DNAH10: variants seen among roughly 807,000 people sequenced by gnomAD.
DNAH10 encodes axonemal beta dynein heavy chain 10.
A neutral mutation model predicts 506.6 loss-of-function variants in DNAH10; 348 were observed. The observed-to-expected ratio is 0.69, with a 90% CI of 0.63 to 0.75. The LOEUF (loss-of-function observed/expected upper bound fraction) is 0.75, where lower values mean the gene tolerates loss of function less well. DNAH10 is among the 30% of genes least tolerant of loss of function. The pLI is 0.00. For missense variants in DNAH10, 5,179 were observed against 5,787.1 expected, an observed-to-expected ratio of 0.89 and a Z score of 3.41; for synonymous variants, 2,059 against 2,198.6, an observed-to-expected ratio of 0.94 and a Z score of 1.78.
Position 123,804,946 on chromosome 12 carries a change from G to A in DNAH10, c.2893G>A (p.Val965Ile), listed in dbSNP as rs201914416. The A allele has an allele frequency of 1.4e-4, 233 of 1,614,034 alleles. No homozygotes were observed. The highest frequency in any genetic ancestry group is 1.8e-4 in the Non-Finnish European group (209 of 1,180,036). ...PLLTKVEGLV[V>I]HTNTGKAPKL... ...GCTGACCAAAGTTGAGGGCCTGGTC[G>A]TCCACACCAACACAGGCAAGGCCCC... is the stretch of plus-strand genomic sequence containing the variant. The change falls in exon 18 of 79, where the codon GTC (valine) becomes ATC (isoleucine). Residue 965 changes from valine (V) to isoleucine (I), a missense_variant. By Grantham distance (29) the Val-to-Ile change is conservative. Transcript: ENST00000673944.
At position 123,853,447 on chromosome 12, in the gene DNAH10, C is replaced by T; in HGVS notation, c.6438+95C>T. On this transcript the variant is annotated intron_variant, in intron 36 of 78. Coordinates refer to ENST00000673944, the MANE Select transcript of DNAH10 (RefSeq NM_001372106.1). This position sits in a 1 kb window ranked among gnomAD's most constrained non-coding sequence, Gnocchi z 4.7. ...GGTGATGGGCACAGTATGGTATCAC[C>T]TGAAAGGTTTAAGTCTTAGCTGCCT... 1.4e-6 allele frequency: 2 copies of T among 1,434,716 alleles called. No homozygotes were observed. The highest frequency in any genetic ancestry group is 9.2e-7 in the Non-Finnish European group (1 of 1,083,828). The allele number at this position is 1,434,716 out of a possible 1,614,324, so 88.9% of individuals were successfully genotyped here.
intron 52 of DNAH10, among the ~76,000 whole-genome samples, chr12:123,889,587 C>T (rs1185374662): frequency 6.6e-6 from 1 of 152,120 alleles, no homozygotes; most frequent in South Asian, 2.1e-4. Context: ...GCCGTGAGTG[C>T]AAAGGGGAGT....
At chr12:123,878,841 G>A (rs574470227) in intron 48 of DNAH10, among the ~76,000 whole-genome samples, 13 of 152,328 alleles carry the variant, frequency 8.5e-5, no homozygotes, top group Admixed American at 3.3e-4. Flanking sequence ...TGAGGTGGCA[G>A]TGAGCTATGA....
At chr12:123,832,384 CAGGTACACAT>C (rs1960660744) in intron 26 of DNAH10, among the ~76,000 whole-genome samples, 1 of 152,150 alleles carries the variant, frequency 6.6e-6, no homozygotes, top group African/African-American at 2.4e-5. Context: ...CCAATATACA[CAGGTACACAT>C]AGTATATACA....
chr12:123,797,073 G>A (rs546794180), intron 13 of DNAH10, among the ~76,000 whole-genome samples: 7 of 152,260 alleles, frequency 4.6e-5, no homozygotes, highest in Non-Finnish European at 4.4e-5. Context: ...GGATTTTACC[G>A]TGTTAGCCAG....
At chr12:123,763,843 G>C (rs1956920025) in intron 1 of DNAH10, among the ~76,000 whole-genome samples, 1 of 149,426 alleles carries the variant, frequency 6.7e-6, no homozygotes, top group South Asian at 2.1e-4. Context: ...GATTCCAGGT[G>C]TTAGCCATCT....
chr12:123,887,750 TC>T (rs148766149), intron 52 of DNAH10, among the ~76,000 whole-genome samples: 1 of 151,546 alleles, frequency 6.6e-6, no homozygotes, highest in Non-Finnish European at 1.5e-5. Flanking sequence ...ATTTTTTTTT[TC>T]TTTTTTTTTT....
chr12:123,838,765 C>T (rs1950661126), intron 29 of DNAH10, 76 bp downstream of exon 29: 1 of 1,356,262 alleles, frequency 7.4e-7, no homozygotes, highest in Non-Finnish European at 1.0e-6. Flanking sequence ...TTCCCTTTGC[C>T]ATGAGGTTCA....
At chr12:123,897,536 A>C (rs1953310102) in intron 54 of DNAH10, among the ~76,000 whole-genome samples, 1 of 152,172 alleles carries the variant, frequency 6.6e-6, no homozygotes, top group South Asian at 2.1e-4. Flanking sequence ...CAGCCTGGGC[A>C]ACATGGGTGA....
At chr12:123,908,001 CG>C (rs927225279) in intron 57 of DNAH10, among the ~76,000 whole-genome samples, 1 of 152,038 alleles carries the variant, frequency 6.6e-6, no homozygotes, top group African/African-American at 2.4e-5. Context: ...GTGAGGGTTC[CG>C]GGGTCAGGAG....
intron 6 of DNAH10, among the ~76,000 whole-genome samples, chr12:123,781,511 G>T (rs947116483): frequency 6.6e-6 from 1 of 152,052 alleles, no homozygotes; most frequent in Non-Finnish European, 1.5e-5. Context: ...TGTTGCCCAG[G>T]CTGGAGTGCA....
chr12:123,933,600 G>A (rs1955322189), intron 77 of DNAH10, 89 bp downstream of exon 77: 1 of 1,416,966 alleles, frequency 7.1e-7, no homozygotes, highest in East Asian at 2.5e-5. Flanking sequence ...GGCATAGCGT[G>A]GGCCTAAATG....
chr12:123,799,304 A>G lies in DNAH10; in HGVS notation c.2222A>G (p.Tyr741Cys), dbSNP rs754618530. The G allele has an allele frequency of 1.9e-6, 3 of 1,613,934 alleles. No individual in the cohort carries two copies. The highest frequency in any genetic ancestry group is 2.7e-5 in the African/African-American group (2 of 74,922). Reference protein sequence around the residue: ...RTMKEYEDRKYEQWMEVTEQV... With the variant: ...RTMKEYEDRKCEQWMEVTEQV... ...ATGAAGGAGTATGAAGACAGAAAGTATGAGCAGTGGATGGAGGTGACGGAG... is the reference window on the plus strand; with the variant it reads ...ATGAAGGAGTATGAAGACAGAAAGTGTGAGCAGTGGATGGAGGTGACGGAG... The change falls in exon 14 of 79, where the codon TAT becomes TGT. Residue 741 changes from tyrosine to cysteine, a missense_variant. Tyr to Cys is a radical substitution (Grantham distance 194). This residue lies in a region of DNAH10 where 4,844 missense variants were observed against 5,430.5 expected (regional missense o/e 0.89). Transcript: ENST00000673944.
rs565854375 is a variant in DNAH10, at chr12:123,790,389, A to G, written c.1815+268A>G. Among the ~76,000 whole-genome samples the G allele has an allele frequency of 9.2e-5, 14 of 152,358 alleles. No homozygotes were observed. In the South Asian group the frequency reaches 2.5e-3, roughly 27 times the overall value. On this transcript the variant is annotated intron_variant, in intron 11 of 78. Coordinates refer to ENST00000673944, the MANE Select transcript of DNAH10 (RefSeq NM_001372106.1). Reference sequence around the variant, plus strand: ...TAGCATTTCTACAAAGTTTTGTCCAATATAAGTTCACCTATCTAGGAGTGA... The same window carrying G: ...TAGCATTTCTACAAAGTTTTGTCCAGTATAAGTTCACCTATCTAGGAGTGA...
Position 123,835,353 on chromosome 12 carries a change from T to C in DNAH10, c.4780-53T>C, listed in dbSNP as rs1034862864. ...GTCAGGATGGGGCTTTGCCATCCAC[T>C]TTTGGAGGTATCTGATAACCCCTGC... On this transcript the variant is annotated intron_variant, in intron 27 of 78. Transcript: ENST00000673944. 2.5e-6 allele frequency: 4 copies of C among 1,595,182 alleles called. No individual in the cohort carries two copies. In the African/African-American group the frequency reaches 4.0e-5, roughly 16 times the overall value.
chr12:123,813,579 T>G lies in DNAH10; in HGVS notation c.3560T>G (p.Leu1187Arg). ...QENAKSWVIS[L>R]GKLLNESAKE... The stretch of plus-strand genomic sequence containing the variant: ...AATGCCAAGTCCTGGGTGATTTCGC[T>G]TGGAAAACTTCTCAATGAGTCAGCA... The change falls in exon 20 of 79, where the codon CTT becomes CGT. Residue 1187 changes from leucine to arginine, a missense_variant. Coordinates refer to ENST00000673944, the MANE Select transcript of DNAH10 (RefSeq NM_001372106.1). 6.2e-7 allele frequency: 1 copy of G among 1,614,190 alleles called. No homozygotes were observed. Among genetic ancestry groups the G allele is most frequent in the Non-Finnish European group, 8.5e-7 (1 of 1,180,024 alleles).
In DNAH10 at chr12:123,919,032, T is replaced by C; in HGVS notation, c.11506+83T>C. ...TTTAAGGAAACGTGATCTGTGAAAA[T>C]GGAAAGTTACCAAATAGCATTTTTT... On this transcript the variant is annotated intron_variant, in intron 65 of 78. Coordinates refer to ENST00000673944, the MANE Select transcript of DNAH10 (RefSeq NM_001372106.1). The surrounding 1 kb of genome is among the most constrained non-coding windows in gnomAD (Gnocchi z 4.9). 1.4e-6 allele frequency: 2 copies of C among 1,425,930 alleles called. No homozygotes were observed. Among genetic ancestry groups the C allele is most frequent in the Non-Finnish European group, 1.9e-6 (2 of 1,077,882 alleles). The allele number at this position is 1,425,930 out of a possible 1,614,324, so 88.3% of individuals were successfully genotyped here. A position where few individuals can be genotyped will look rare whatever the true frequency, so the allele number is the denominator to read the frequency against.
chr12:123,914,277 G>T, intron 60 of DNAH10, 52 bp from the exon 61 acceptor site: 2 of 1,528,882 alleles, frequency 1.3e-6, no homozygotes, highest in South Asian at 1.2e-5. Context: ...TGTTCCTTTT[G>T]GTTGTGGCCA....
At chr12:123,835,265 A>T (rs934174441) in intron 27 of DNAH10, 141 bp from the exon 28 acceptor site, 7 of 862,004 alleles carry the variant, frequency 8.1e-6, no homozygotes, top group Middle Eastern at 5.4e-4. Flanking sequence ...GGCCATGCAG[A>T]TGCTCACTCT....
Sources: allele counts gnomAD v4.1 joint callset (sites outside exome capture counted in the v4.1 genomes callset), GRCh38; gene constraint gnomAD v4.1.1; regional missense constraint gnomAD v4.1.1; non-coding constraint Gnocchi (gnomAD v3.1); transcripts MANE v1.5; gene names NCBI Gene and HGNC (gene_info 2026-07-23, HGNC 2026-07-21).